The following CRACDL variants were observed in gnomAD, a reference collection of about 807,000 sequenced individuals.
CRACDL encodes the protein CRACD like, also known as CRACD-like protein.
In CRACDL, 26 loss-of-function variants were observed where a neutral mutation model predicts 70.6. The ratio of observed to expected loss-of-function variants is 0.37; its 90% CI spans 0.27 to 0.51. CRACDL has a LOEUF of 0.51. Ranked by LOEUF, CRACDL falls within the 20% of genes least tolerant of loss-of-function variation. The pLI is 0.94. For synonymous variants in CRACDL, 618 were observed against 615.2 expected (o/e 1.00, Z -0.07); for missense variants, 1,283 against 1,376.9 (o/e 0.93, Z 1.08).
intron 1 of CRACDL, among the ~76,000 whole-genome samples, chr2:98,852,456 CAAAG>C (rs1490396874): frequency 6.6e-6 from 1 of 151,376 alleles, no homozygotes; most frequent in Admixed American, 6.6e-5. Context: ...ACAAAACATG[CAAAG>C]AAATAGGAAA....
chr2:98,871,855 T>C (rs771777407), intron 1 of CRACDL, among the ~76,000 whole-genome samples: 23 of 151,884 alleles, frequency 1.5e-4, no homozygotes, highest in Admixed American at 6.6e-4. Context: ...TACATTGCAA[T>C]GGGGGGAAAA....
At chr2:98,827,239 CAA>C (rs1705343787) in intron 5 of CRACDL, 70 bp from the exon 6 acceptor site, 3 of 1,088,760 alleles carry the variant, frequency 2.8e-6, no homozygotes. Context: ...ACCAACGCAA[CAA>C]TGCTCTTTTC....
At chr2:98,838,682 A>T (rs1019872170) in intron 2 of CRACDL, among the ~76,000 whole-genome samples, 9 of 152,180 alleles carry the variant, frequency 5.9e-5, no homozygotes, top group African/African-American at 2.2e-4. Context: ...AAATAAAATA[A>T]AATAAAAATT....
rs143489923 is a variant in CRACDL at position 98,819,217 on chromosome 2, C to T, written c.2416+2640G>A. 5.3e-3 allele frequency among the ~76,000 whole-genome samples: 805 copies of T among 152,318 alleles called. 3 individuals are homozygous for T. The Middle Eastern group carries it at 0.082, about 15-fold the overall frequency. ...AGAAAGCCTGGCTTAGGTTGAGAAACTTACATATAAATAATGGGCAAAGCA... is the reference window on the plus strand; with the variant it reads ...AGAAAGCCTGGCTTAGGTTGAGAAATTTACATATAAATAATGGGCAAAGCA... On this transcript the variant is annotated intron_variant, in intron 7 of 9. Transcript: ENST00000397899.
rs573888039 is a variant in CRACDL, at chr2:98,897,381, T to C, written c.-11+38557A>G. On this transcript the variant is annotated intron_variant, in intron 1 of 9. Transcript: ENST00000397899. ...CTTGCTCCTCTTAGCACCTACCTTT[T>C]ATCTTGCACGGACGCCAAAGAAATC... 6.9e-6 allele frequency: 9 copies of C among 1,303,918 alleles called. No homozygotes were observed. The East Asian group carries it at 5.0e-4, about 72-fold the overall frequency. The allele number at this position is 1,303,918 out of a possible 1,614,324, so 80.8% of individuals were successfully genotyped here.
chr2:98,899,684 G>T (rs539415123), intron 1 of CRACDL, among the ~76,000 whole-genome samples: 1 of 152,378 alleles, frequency 6.6e-6, no homozygotes, highest in Admixed American at 6.5e-5. Context: ...GGGCTGAAAG[G>T]CCAGGGTGGC....
At chr2:98,851,304 C>T (rs913857188) in intron 1 of CRACDL, among the ~76,000 whole-genome samples, 1 of 152,194 alleles carries the variant, frequency 6.6e-6, no homozygotes, top group Non-Finnish European at 1.5e-5. Flanking sequence ...GACCAGAGAA[C>T]TGAACAGATC....
intron 1 of CRACDL, among the ~76,000 whole-genome samples, chr2:98,926,915 C>T (rs1708921078): frequency 6.6e-6 from 1 of 152,194 alleles, no homozygotes; most frequent in African/African-American, 2.4e-5. Context: ...CACCAGACAG[C>T]CCCTCGCAAC....
intron 7 of CRACDL, among the ~76,000 whole-genome samples, chr2:98,809,439 T>C (rs1575330258): frequency 6.6e-6 from 1 of 151,936 alleles, no homozygotes; most frequent in Non-Finnish European, 1.5e-5. Context: ...TGCCCACAGG[T>C]GGTCTGAGTC....
At chr2:98,849,134 C>A (rs552549951) in intron 1 of CRACDL, among the ~76,000 whole-genome samples, 1 of 152,268 alleles carries the variant, frequency 6.6e-6, no homozygotes, top group African/African-American at 2.4e-5. Context: ...CAGGATCTCC[C>A]ACTGAAATGG....
chr2:98,911,655 A>G (rs549469759), intron 1 of CRACDL, among the ~76,000 whole-genome samples: 1 of 152,302 alleles, frequency 6.6e-6, no homozygotes, highest in East Asian at 1.9e-4. Context: ...CCCCTTATCA[A>G]TGCTCTGCAG....
intron 7 of CRACDL, among the ~76,000 whole-genome samples, chr2:98,817,972 AT>A (rs3215236): frequency 1.3e-4 from 20 of 151,834 alleles, no homozygotes; most frequent in East Asian, 5.8e-4. Flanking sequence ...CCTAGGAGTG[AT>A]TTTTTTTTCT....
chr2:98,795,077 A>ATATATTTTTTTTT lies in CRACDL; in HGVS notation c.2750-407_2750-406insAAAAAAAAATATA. On this transcript the variant is annotated intron_variant, in intron 9 of 9. Transcript: ENST00000397899. ...TATATATATATATATATATATATAT[A>ATATATTTTTTTTT]TTTTTTTTTTTTTTTGAGACAGAAG... is the stretch of plus-strand genomic sequence containing the variant. Among the ~76,000 whole-genome samples, 40 of 58,464 alleles carry ATATATTTTTTTTT rather than the reference A, an allele frequency of 6.8e-4. 1 individual carries two copies. The highest frequency in any genetic ancestry group is 1.3e-3 in the Admixed American group (6 of 4,582). The allele number at this position is 58,464 out of a possible 152,430, so 38.4% of individuals were successfully genotyped here.
chr2:98,930,172 C>A (rs1219944708), intron 1 of CRACDL, among the ~76,000 whole-genome samples: 4 of 152,150 alleles, frequency 2.6e-5, no homozygotes, highest in Non-Finnish European at 5.9e-5. Context: ...CACCTCCCAT[C>A]CGTGGCCCCC....
At chr2:98,818,234 CAGACACAT>C (rs1238942009) in intron 7 of CRACDL, among the ~76,000 whole-genome samples, 1 of 152,200 alleles carries the variant, frequency 6.6e-6, no homozygotes, top group Admixed American at 6.5e-5. Flanking sequence ...TCGAGGAGCA[CAGACACAT>C]ACTAAGCTTG....
chr2:98,886,620 G>C (rs1176572548), intron 1 of CRACDL, among the ~76,000 whole-genome samples: 1 of 152,184 alleles, frequency 6.6e-6, no homozygotes, highest in Non-Finnish European at 1.5e-5. Flanking sequence ...AATATTGGGA[G>C]GTTTACTAGT....
At chr2:98,872,097 G>C (rs1707365331) in intron 1 of CRACDL, among the ~76,000 whole-genome samples, 1 of 152,210 alleles carries the variant, frequency 6.6e-6, no homozygotes, top group Admixed American at 6.5e-5. Context: ...GCTGGACGTG[G>C]TGGCTCATGC....
intron 7 of CRACDL, among the ~76,000 whole-genome samples, chr2:98,821,192 C>T (rs1477369732): frequency 6.7e-6 from 1 of 149,568 alleles, no homozygotes. Flanking sequence ...TATTTTATCT[C>T]TCTCTTTTTA....
chr2:98,919,934 T>G (rs1708760268), intron 1 of CRACDL, among the ~76,000 whole-genome samples: 1 of 152,098 alleles, frequency 6.6e-6, no homozygotes. Flanking sequence ...TAAAAGGTTT[T>G]GTAGAGATGG....
Sources: gnomAD v4.1 joint callset for allele counts (sites outside exome capture counted in the v4.1 genomes callset) on GRCh38, gnomAD v4.1.1 for gene constraint, MANE v1.5 for transcripts, NCBI Gene and HGNC (gene_info 2026-07-23, HGNC 2026-07-21) for gene names.